DAPK1: variants seen among roughly 807,000 people sequenced by gnomAD.
DAPK1 encodes death associated protein kinase 1.
DAPK1 carries 56 observed loss-of-function variants against 144.9 expected under a neutral mutation model. The observed-to-expected ratio is 0.39, with a 90% CI of 0.31 to 0.48. The LOEUF (loss-of-function observed/expected upper bound fraction) is 0.48. Ranked by LOEUF, DAPK1 falls within the 20% of genes least tolerant of loss-of-function variation. The pLI is 0.95. For synonymous variants in DAPK1, 690 were observed against 749.0 expected (o/e 0.92, Z 1.29); for missense variants, 1,454 against 1,875.4 (o/e 0.78, Z 4.15).
chr9:87,697,291 G>A, intron 22 of DAPK1, 87 bp downstream of exon 22: 2 of 707,574 alleles, frequency 2.8e-6, no homozygotes, highest in South Asian at 3.1e-5. Flanking sequence ...CCCTGCTCCT[G>A]CCACTGCTGC....
chr9:87,571,504 C>CAT, intron 2 of DAPK1, among the ~76,000 whole-genome samples: 1 of 144,954 alleles, frequency 6.9e-6, no homozygotes, highest in East Asian at 2.1e-4. Flanking sequence ...CCCCAACACA[C>CAT]ACACACACAC....
intron 21 of DAPK1, among the ~76,000 whole-genome samples, chr9:87,688,886 G>A (rs894436018): frequency 6.6e-6 from 1 of 152,058 alleles, no homozygotes; most frequent in Non-Finnish European, 1.5e-5. Context: ...CATTCTGTAG[G>A]TTGTCTGTTT....
In DAPK1 at chr9:87,648,815, A is replaced by G. The variant is rs1212966413; in HGVS notation, c.1364A>G (p.Tyr455Cys). 6 of 1,614,224 alleles carry G rather than the reference A, an allele frequency of 3.7e-6. No homozygotes were observed. The highest frequency in any genetic ancestry group is 4.2e-6 in the Non-Finnish European group (5 of 1,180,034). ...GEMALHVAAR[Y>C]GHADVAQLLC... ...ATGGCCCTCCACGTGGCAGCTCGCTATGGCCATGCTGACGTGGCTCAGTTA... is the reference window on the plus strand; with the variant it reads ...ATGGCCCTCCACGTGGCAGCTCGCTGTGGCCATGCTGACGTGGCTCAGTTA... Residue 455 changes from tyrosine (Y) to cysteine (C), a missense_variant, in exon 15 of 26, where the codon TAT becomes TGT. Physicochemically the swap from Tyr to Cys is radical, Grantham distance 194 (BLOSUM62 -2). Transcript: ENST00000408954.
chr9:87,512,057 A>G (rs1022316326), intron 2 of DAPK1, among the ~76,000 whole-genome samples: 2 of 151,860 alleles, frequency 1.3e-5, no homozygotes, highest in Admixed American at 6.6e-5. Context: ...ACCATCTTTT[A>G]TTTATTTGTT....
chr9:87,640,992 G>A (rs1830074948), intron 9 of DAPK1, 145 bp downstream of exon 9: 3 of 814,040 alleles, frequency 3.7e-6, no homozygotes, highest in Non-Finnish European at 6.4e-6. Context: ...CTTAAGAAAA[G>A]CTGACAGGTT....
intron 18 of DAPK1, chr9:87,668,070 T>A (rs1290876039): frequency 6.5e-6 from 1 of 153,578 alleles, no homozygotes; most frequent in Non-Finnish European, 1.5e-5. Flanking sequence ...CTTATTTCCT[T>A]GTTTTCTGTT....
At chr9:87,509,181 A>G (rs1824733659) in intron 2 of DAPK1, among the ~76,000 whole-genome samples, 1 of 152,244 alleles carries the variant, frequency 6.6e-6, no homozygotes, top group African/African-American at 2.4e-5. Flanking sequence ...CGTATCCTGT[A>G]GAGAACAGAC....
chr9:87,519,331 AG>A (rs780795637), intron 2 of DAPK1, among the ~76,000 whole-genome samples: 1 of 152,252 alleles, frequency 6.6e-6, no homozygotes, highest in Non-Finnish European at 1.5e-5. Flanking sequence ...TGGAATAGAC[AG>A]GAGTGGTATT....
At chr9:87,640,748 T>G in intron 8 of DAPK1, 54 bp from the exon 9 acceptor site, 1 of 1,573,698 alleles carries the variant, frequency 6.4e-7, no homozygotes, top group Non-Finnish European at 8.7e-7. Flanking sequence ...AAAACAACCT[T>G]AGTATTTGCT....
At chr9:87,704,253 A>G (rs1270990006) in intron 25 of DAPK1, among the ~76,000 whole-genome samples, 1 of 152,212 alleles carries the variant, frequency 6.6e-6, no homozygotes. Flanking sequence ...ATACTGCTGG[A>G]TGTAAAAAAT....
intron 2 of DAPK1, among the ~76,000 whole-genome samples, chr9:87,502,688 A>G (rs911773387): frequency 2.6e-5 from 4 of 152,082 alleles, no homozygotes; most frequent in African/African-American, 4.8e-5. Flanking sequence ...TCCTTCCACA[A>G]TGAGTTTCCC....
chr9:87,671,913 C>T (rs1824177246), intron 19 of DAPK1, among the ~76,000 whole-genome samples: 1 of 152,150 alleles, frequency 6.6e-6, no homozygotes, highest in Admixed American at 6.5e-5. Flanking sequence ...AAGCAAAGTA[C>T]AGAGTAGTGC....
intron 19 of DAPK1, among the ~76,000 whole-genome samples, chr9:87,672,137 C>T (rs1824187066): frequency 6.6e-6 from 1 of 152,184 alleles, no homozygotes; most frequent in South Asian, 2.1e-4. Context: ...ACACAGTAAG[C>T]ACCACGTGTT....
chr9:87,662,735 A>G (rs908528354), intron 18 of DAPK1, among the ~76,000 whole-genome samples: 3 of 151,718 alleles, frequency 2.0e-5, no homozygotes, highest in African/African-American at 7.3e-5. Flanking sequence ...TGACATCCTC[A>G]GGGTTTTCTA....
chr9:87,682,518 G>C (rs762284482), intron 20 of DAPK1, among the ~76,000 whole-genome samples: 2 of 152,126 alleles, frequency 1.3e-5, no homozygotes, highest in African/African-American at 4.8e-5. Context: ...TTTCTCTTAC[G>C]TCCCCTCAGT....
intron 2 of DAPK1, among the ~76,000 whole-genome samples, chr9:87,511,325 T>C (rs1317784132): frequency 2.0e-5 from 3 of 152,206 alleles, no homozygotes; most frequent in Non-Finnish European, 4.4e-5. Flanking sequence ...CTAAGAAACA[T>C]ATTGACTAGG....
chr9:87,608,188 G>A (rs779253152), intron 3 of DAPK1, among the ~76,000 whole-genome samples: 1 of 152,180 alleles, frequency 6.6e-6, no homozygotes, highest in Non-Finnish European at 1.5e-5. Context: ...TTGGATGGAG[G>A]CACGGAGCCA....
chr9:87,600,769 G>T (rs1017934504), intron 2 of DAPK1, among the ~76,000 whole-genome samples: 2 of 152,124 alleles, frequency 1.3e-5, no homozygotes, highest in Non-Finnish European at 1.5e-5. Flanking sequence ...TGTATTAATG[G>T]TAATTAATTA....
intron 2 of DAPK1, among the ~76,000 whole-genome samples, chr9:87,531,160 G>A (rs1825685543): frequency 6.6e-6 from 1 of 152,126 alleles, no homozygotes. Flanking sequence ...TTGCATTGTT[G>A]CACGCAGTGG....
Sources: gnomAD v4.1 joint callset for allele counts (sites outside exome capture counted in the v4.1 genomes callset) on GRCh38, gnomAD v4.1.1 for gene constraint, MANE v1.5 for transcripts, NCBI Gene and HGNC (gene_info 2026-07-23, HGNC 2026-07-21) for gene names.